PTPN13: variants seen among roughly 807,000 people sequenced by gnomAD.
The protein encoded by PTPN13 is tyrosine-protein phosphatase non-receptor type 13.
A neutral mutation model predicts 284.0 loss-of-function variants in PTPN13; 191 were observed. That is an observed-to-expected ratio of 0.67 (90% CI 0.60 to 0.76). The LOEUF is 0.76. Ranked by LOEUF, PTPN13 falls within the 30% of genes least tolerant of loss-of-function variation. The probability of loss-of-function intolerance (pLI) is 0.00; values close to 1 mark genes in which losing one functional copy is unlikely to be tolerated. For missense variants in PTPN13, 2,797 were observed against 2,939.9 expected (o/e 0.95, Z 1.12); for synonymous variants, 986 against 1,022.3 (o/e 0.96, Z 0.68).
chr4:86,764,336 T>C (rs964457261), intron 24 of PTPN13, among the ~76,000 whole-genome samples: 9 of 152,110 alleles, frequency 5.9e-5, no homozygotes, highest in African/African-American at 2.2e-4. Flanking sequence ...TCCTCAACCA[T>C]AAAATATGAA....
At chr4:86,613,122 A>G (rs112639633) in intron 1 of PTPN13, among the ~76,000 whole-genome samples, 1 of 152,204 alleles carries the variant, frequency 6.6e-6, no homozygotes, top group African/African-American at 2.4e-5. Context: ...AAATTGGCCC[A>G]CTTTATAAGA....
intron 20 of PTPN13, among the ~76,000 whole-genome samples, chr4:86,757,389 A>T (rs978191699): frequency 4.6e-5 from 7 of 152,154 alleles, no homozygotes; most frequent in Non-Finnish European, 8.8e-5. Flanking sequence ...TACTTGTGAG[A>T]TTGTTTCACA....
intron 1 of PTPN13, among the ~76,000 whole-genome samples, chr4:86,600,684 T>C (rs1764230046): frequency 6.6e-6 from 1 of 152,004 alleles, no homozygotes. Context: ...TTGTGTTCTG[T>C]TTTGTTTTTT....
In PTPN13 at chr4:86,612,227, G is replaced by A. The variant is rs145660322; in HGVS notation, c.-6+17438G>A. 1.6e-3 allele frequency among the ~76,000 whole-genome samples: 238 copies of A among 152,030 alleles called. 2 individuals are homozygous for A. Among genetic ancestry groups the A allele is most frequent in the African/African-American group, 5.5e-3 (229 of 41,462 alleles). On this transcript the variant is annotated intron_variant, in intron 1 of 47. Transcript: ENST00000411767. ...ATAAAATTTATGATATATAGCATCC[G>A]GTAATTTTCAGGCACACAAAGAAGC...
intron 2 of PTPN13, among the ~76,000 whole-genome samples, chr4:86,643,683 C>G (rs1219035886): frequency 6.6e-6 from 1 of 152,092 alleles, no homozygotes; most frequent in Non-Finnish European, 1.5e-5. Context: ...ACCACACACA[C>G]TTCTTTTATT....
chr4:86,680,622 A>G (rs1339912011), intron 3 of PTPN13, among the ~76,000 whole-genome samples: 2 of 152,080 alleles, frequency 1.3e-5, no homozygotes, highest in Admixed American at 6.5e-5. Context: ...CCACTGTCAG[A>G]TTAATACCCC....
chr4:86,754,313 A>G (rs905159432), intron 20 of PTPN13, among the ~76,000 whole-genome samples: 13 of 152,052 alleles, frequency 8.5e-5, no homozygotes, highest in Admixed American at 8.5e-4. Context: ...AACTCCTTAC[A>G]TGGACTGAAT....
intron 27 of PTPN13, among the ~76,000 whole-genome samples, chr4:86,767,550 T>C (rs1439426312): frequency 6.6e-6 from 1 of 152,112 alleles, no homozygotes; most frequent in African/African-American, 2.4e-5. Flanking sequence ...CTGGCCATTA[T>C]CATACATTTC....
intron 27 of PTPN13, chr4:86,766,792 TTTG>T: frequency 3.7e-6 from 1 of 270,776 alleles, no homozygotes; most frequent in Admixed American, 5.3e-5. Flanking sequence ...GCATTTTAAA[TTTG>T]TTGTATAAAC....
In PTPN13 at chr4:86,785,848, G is replaced by A. The variant is rs1391105735; in HGVS notation, c.6257G>A (p.Gly2086Asp). The part of the protein sequence containing the change: ...NNAAGYSCGP[G>D]TLKMNGKLSE... ...CTTGGCCTATATATTCCTCTCTCAG[G>A]TACATTAAAGATGAATGGGAAGTTA... is the stretch of plus-strand genomic sequence containing the variant. Residue 2086 changes from glycine to aspartate, a missense_variant and splice_region_variant, in exon 40 of 48, where the codon GGT becomes GAT. Physicochemically the swap from Gly to Asp is moderately conservative, Grantham distance 94. Coordinates refer to ENST00000411767, the MANE Select transcript of PTPN13 (RefSeq NM_080683.3). 2.6e-6 allele frequency: 4 copies of A among 1,544,788 alleles called. No homozygotes were observed. Among genetic ancestry groups the A allele is most frequent in the African/African-American group, 2.7e-5 (2 of 73,158 alleles).
chr4:86,645,063 G>A (rs374582220), intron 2 of PTPN13, among the ~76,000 whole-genome samples: 55 of 151,994 alleles, frequency 3.6e-4, no homozygotes, highest in African/African-American at 1.2e-3. Context: ...ACAAAAATTA[G>A]TCAGACGTGG....
chr4:86,734,696 A>G (rs1162315129), intron 13 of PTPN13, 41 bp from the exon 14 acceptor site: 2 of 1,577,836 alleles, frequency 1.3e-6, no homozygotes, highest in South Asian at 1.2e-5. Context: ...CCAGTATTCA[A>G]AATCAAAGGC....
intron 44 of PTPN13, among the ~76,000 whole-genome samples, chr4:86,806,082 G>A (rs1412246644): frequency 2.6e-5 from 4 of 151,520 alleles, no homozygotes; most frequent in African/African-American, 7.3e-5. Context: ...GCTTGAACCC[G>A]GGAGGCAGAG....
At chr4:86,761,171 A>ATATATATATATATAT (rs1166814661) in intron 23 of PTPN13, among the ~76,000 whole-genome samples, 28 of 85,934 alleles carry the variant, frequency 3.3e-4, no homozygotes, top group African/African-American at 1.0e-3. Flanking sequence ...TATATATATA[A>ATATATATATATATAT]ACACAACACA....
intron 1 of PTPN13, among the ~76,000 whole-genome samples, chr4:86,629,649 A>G (rs925398223): frequency 1.3e-5 from 2 of 152,222 alleles, no homozygotes; most frequent in Non-Finnish European, 2.9e-5. Context: ...TGAAGTCACC[A>G]TAATTTTCTC....
At chr4:86,681,620 T>C (rs151316471) in intron 3 of PTPN13, among the ~76,000 whole-genome samples, 18 of 152,246 alleles carry the variant, frequency 1.2e-4, no homozygotes, top group East Asian at 5.8e-4. Context: ...CTCTGTAAGA[T>C]TGAATGAGCT....
chr4:86,756,827 G>A (rs751442086), intron 20 of PTPN13, among the ~76,000 whole-genome samples: 10 of 152,102 alleles, frequency 6.6e-5, no homozygotes, highest in Non-Finnish European at 1.3e-4. Flanking sequence ...AATAAAGTCT[G>A]TTTTCATACT....
In PTPN13 at chr4:86,763,603, C is replaced by T. The variant is rs117557404; in HGVS notation, c.4017+413C>T. Reference sequence around the variant, plus strand: ...TGAAGTTCTGAATGAATGATGATAACGACATTGAAAATAGCTCATTCTGGC... The same window carrying T: ...TGAAGTTCTGAATGAATGATGATAATGACATTGAAAATAGCTCATTCTGGC... On this transcript the variant is annotated intron_variant, in intron 24 of 47. Coordinates refer to ENST00000411767, the MANE Select transcript of PTPN13 (RefSeq NM_080683.3). Among the ~76,000 whole-genome samples the T allele has an allele frequency of 4.0e-4, 61 of 152,238 alleles. 2 individuals are homozygous for T. The East Asian group carries it at 0.011, about 28-fold the overall frequency.
chr4:86,607,723 A>C (rs1764911879), intron 1 of PTPN13, among the ~76,000 whole-genome samples: 1 of 152,072 alleles, frequency 6.6e-6, no homozygotes, highest in Admixed American at 6.5e-5. Context: ...AGACCTTGGC[A>C]GTCTAATTTG....
Sources: allele counts gnomAD v4.1 joint callset (sites outside exome capture counted in the v4.1 genomes callset), GRCh38; gene constraint gnomAD v4.1.1; transcripts MANE v1.5; gene names NCBI Gene and HGNC (gene_info 2026-07-23, HGNC 2026-07-21).